The following SIM1 variants were observed in gnomAD, a reference collection of about 807,000 sequenced individuals.
SIM1 encodes single-minded homolog 1.
Under a neutral mutation model 78.2 loss-of-function variants are expected in SIM1, and 18 were observed. The ratio of observed to expected loss-of-function variants is 0.23; its 90% CI spans 0.16 to 0.34. The LOEUF (loss-of-function observed/expected upper bound fraction) is 0.34, where lower values mean the gene tolerates loss of function less well. Ranked by LOEUF, SIM1 falls within the 10% of genes least tolerant of loss-of-function variation. The pLI, the probability that SIM1 is intolerant of heterozygous loss-of-function variation, is 1.00. For missense variants in SIM1, 939 were observed against 975.1 expected, an observed-to-expected ratio of 0.96 and a Z score of 0.49; for synonymous variants, 417 against 385.2, an observed-to-expected ratio of 1.08 and a Z score of -0.97.
At chr6:100,399,535 A>G (rs1325019017) in intron 10 of SIM1, among the ~76,000 whole-genome samples, 1 of 152,102 alleles carries the variant, frequency 6.6e-6, no homozygotes, top group Non-Finnish European at 1.5e-5. Context: ...TAATAATGCA[A>G]TATCCTGGTT....
intron 10 of SIM1, among the ~76,000 whole-genome samples, chr6:100,404,054 C>T (rs1303876332): frequency 6.6e-6 from 1 of 152,168 alleles, no homozygotes; most frequent in Non-Finnish European, 1.5e-5. Context: ...TTCAAGTCCC[C>T]AAGAATCTTT....
At chr6:100,422,610 A>G (rs1771622625) in intron 9 of SIM1, among the ~76,000 whole-genome samples, 1 of 152,184 alleles carries the variant, frequency 6.6e-6, no homozygotes. Context: ...TGGTTCTTCT[A>G]TAGCAAGATC....
chr6:100,409,646 T>A (rs979062631), intron 10 of SIM1, among the ~76,000 whole-genome samples: 1 of 152,170 alleles, frequency 6.6e-6, no homozygotes. Context: ...ATGAAATCTT[T>A]ATTTTTTTCT....
At chr6:100,434,699 G>A (rs1771997992) in intron 9 of SIM1, among the ~76,000 whole-genome samples, 1 of 152,182 alleles carries the variant, frequency 6.6e-6, no homozygotes, top group African/African-American at 2.4e-5. Context: ...GCTATTCTTG[G>A]AGAGATGTAA....
chr6:100,412,824 A>G (rs1771294775), intron 10 of SIM1, among the ~76,000 whole-genome samples: 1 of 152,140 alleles, frequency 6.6e-6, no homozygotes, highest in African/African-American at 2.4e-5. Flanking sequence ...AAGGAAGGAA[A>G]GTCACAGCTG....
At chr6:100,405,976 C>T (rs1433725544) in intron 10 of SIM1, among the ~76,000 whole-genome samples, 1 of 152,142 alleles carries the variant, frequency 6.6e-6, no homozygotes, top group African/African-American at 2.4e-5. Context: ...TTTGTAAATC[C>T]AAAGGTGATG....
chr6:100,402,541 A>G (rs1341110203), intron 10 of SIM1, among the ~76,000 whole-genome samples: 1 of 90,626 alleles, frequency 1.1e-5, no homozygotes, highest in East Asian at 3.5e-4. Context: ...CTTTCTTGGT[A>G]TTGACATTAT....
intron 10 of SIM1, among the ~76,000 whole-genome samples, chr6:100,401,210 TA>T (rs1286903480): frequency 6.6e-6 from 1 of 152,008 alleles, no homozygotes; most frequent in Non-Finnish European, 1.5e-5. Flanking sequence ...GAACATTCTG[TA>T]AAATAACTGG....
chr6:100,390,914 T>A lies in SIM1; in HGVS notation c.1748A>T (p.Gln583Leu), dbSNP rs1309088627. 6.2e-7 allele frequency: 1 copy of A among 1,614,162 alleles called. No individual in the cohort carries two copies. The highest frequency in any genetic ancestry group is 1.1e-5 in the South Asian group (1 of 91,086). The change falls in exon 12 of 12, where the codon CAG (glutamine) becomes CTG (leucine). Residue 583 changes from glutamine to leucine, a missense_variant. This residue lies in a region of SIM1 where 556 missense variants were observed against 521.9 expected (regional missense o/e 1.07). Transcript: ENST00000369208. ...QMIKEEENRL[Q>L]LRKAPSDQLA... ...TTGGTCTGAGGGGGCTTTCCTTAGC[T>A]GTAATCTGTTCTCTTCTTCTTTAAT...
At chr6:100,449,028 G>A (rs1772440637) in intron 6 of SIM1, among the ~76,000 whole-genome samples, 1 of 152,194 alleles carries the variant, frequency 6.6e-6, no homozygotes, top group South Asian at 2.1e-4. Context: ...AACCTCTTAT[G>A]TAACGCTATG....
At position 100,393,914 on chromosome 6, in the gene SIM1, T is replaced by A. The variant is rs1300807504; in HGVS notation, c.1168-25A>T. 2.6e-6 allele frequency: 4 copies of A among 1,514,548 alleles called. No homozygotes were observed. The East Asian group carries it at 9.2e-5, about 35-fold the overall frequency. The allele number at this position is 1,514,548 out of a possible 1,614,324, so 93.8% of individuals were successfully genotyped here. On this transcript the variant is annotated intron_variant, in intron 10 of 11. Coordinates refer to ENST00000369208, the MANE Select transcript of SIM1 (RefSeq NM_005068.3). The stretch of plus-strand genomic sequence containing the variant: ...ACTGAAACCGAGTAGGGGAGAAAAG[T>A]CCATTTCAAAAATCAATCGATCAGT...
intron 2 of SIM1, 142 bp downstream of exon 2, chr6:100,463,152 T>C (rs1353955562): frequency 2.9e-6 from 2 of 691,832 alleles, no homozygotes; most frequent in Admixed American, 6.0e-5. Flanking sequence ...AGGACCTTAG[T>C]GAAGCAGCCG....
intron 10 of SIM1, among the ~76,000 whole-genome samples, chr6:100,414,712 T>C (rs1394029343): frequency 6.6e-6 from 1 of 152,176 alleles, no homozygotes; most frequent in African/African-American, 2.4e-5. Context: ...GGAATAGCTA[T>C]ACCAATAGAA....
intron 10 of SIM1, among the ~76,000 whole-genome samples, chr6:100,409,509 T>C (rs1397827908): frequency 6.6e-6 from 1 of 152,152 alleles, no homozygotes; most frequent in East Asian, 1.9e-4. Flanking sequence ...TGTTTATCTT[T>C]TCTATTGTTT....
rs199543656 is a variant in SIM1, at chr6:100,390,797, G to A, written c.1865C>T (p.Ser622Phe). 9.7e-5 allele frequency: 156 copies of A among 1,614,044 alleles called. No homozygotes were observed. Among genetic ancestry groups the A allele is most frequent in the Admixed American group, 5.7e-4 (34 of 60,004 alleles). The stretch of plus-strand genomic sequence containing the variant: ...ACATGGTGAAGTGTTGGCAAGAGCA[G>A]AGCCATGGCAGACTTCACCTGTTGG... ...PPPTGEVCHG[S>F]ALANTSPCDH... The change falls in exon 12 of 12, where the codon TCT (serine) becomes TTT (phenylalanine). Residue 622 changes from serine to phenylalanine, a missense_variant. Physicochemically the swap from Ser to Phe is radical, Grantham distance 155. Around this residue, in one of 5 missense-constraint regions of SIM1, gnomAD observed 556 missense variants for 521.9 expected, o/e 1.07. Transcript: ENST00000369208.
rs1282394595 is a variant in SIM1, at chr6:100,389,403, C to A, written c.*958G>T. 1 of 387,374 alleles carries A rather than the reference C, an allele frequency of 2.6e-6. No individual in the cohort carries two copies. Among genetic ancestry groups the A allele is most frequent in the Non-Finnish European group, 4.6e-6 (1 of 219,368 alleles). The allele number at this position is 387,374 out of a possible 1,614,324, so 24.0% of individuals were successfully genotyped here. ...TGTCATGTGGCACTTCACTGGTTTTCCTTTTATTTTTGCACCTATTGGTCT... is the reference window on the plus strand; with the variant it reads ...TGTCATGTGGCACTTCACTGGTTTTACTTTTATTTTTGCACCTATTGGTCT... On this transcript the variant is annotated 3_prime_UTR_variant, in exon 12 of 12. Coordinates refer to ENST00000369208, the MANE Select transcript of SIM1 (RefSeq NM_005068.3).
chr6:100,446,936 C>A (rs1024355545), intron 9 of SIM1, among the ~76,000 whole-genome samples: 4 of 152,206 alleles, frequency 2.6e-5, no homozygotes, highest in Non-Finnish European at 5.9e-5. Context: ...GTACTTAGAT[C>A]CTTTCCTCTC....
intron 9 of SIM1, among the ~76,000 whole-genome samples, chr6:100,441,244 T>C (rs1034126804): frequency 1.3e-5 from 2 of 152,052 alleles, no homozygotes; most frequent in African/African-American, 4.8e-5. Context: ...GAGGGAGAAG[T>C]AGTTGGATAG....
At chr6:100,404,918 T>C (rs1028826808) in intron 10 of SIM1, among the ~76,000 whole-genome samples, 1 of 152,222 alleles carries the variant, frequency 6.6e-6, no homozygotes, top group Non-Finnish European at 1.5e-5. Flanking sequence ...ATAAAGTTCA[T>C]TTCTAACTTG....
Sources: allele counts gnomAD v4.1 joint callset (sites outside exome capture counted in the v4.1 genomes callset), GRCh38; gene constraint gnomAD v4.1.1; regional missense constraint gnomAD v4.1.1; transcripts MANE v1.5; gene names NCBI Gene and HGNC (gene_info 2026-07-23, HGNC 2026-07-21).